UGT1A3: variants seen among roughly 807,000 people sequenced by gnomAD.
UGT1A3 encodes UDP glucuronosyltransferase family 1 member A3.
In UGT1A3, 31 loss-of-function variants were observed where a neutral mutation model predicts 41.0. The observed-to-expected ratio is 0.76, with a 90% CI of 0.57 to 1.02. The LOEUF (loss-of-function observed/expected upper bound fraction) is 1.02. UGT1A3 is among the 50% of genes least tolerant of loss of function. The pLI, the probability that UGT1A3 is intolerant of heterozygous loss-of-function variation, is 0.00. For synonymous variants in UGT1A3, 262 were observed against 257.6 expected (o/e 1.02, Z -0.17); for missense variants, 737 against 671.0 (o/e 1.10, Z -1.09).
intron 1 of UGT1A3, among the ~76,000 whole-genome samples, chr2:233,746,796 G>A (rs1217306288): frequency 1.3e-5 from 2 of 151,816 alleles, no homozygotes; most frequent in Admixed American, 1.3e-4. Flanking sequence ...TAATTCATGA[G>A]CGTGAATGTG....
At chr2:233,730,541 T>A (rs1015263117) in intron 1 of UGT1A3, among the ~76,000 whole-genome samples, 1 of 152,098 alleles carries the variant, frequency 6.6e-6, no homozygotes, top group African/African-American at 2.4e-5. Context: ...TTGGGATGGA[T>A]GTCTGTGATT....
intron 1 of UGT1A3, among the ~76,000 whole-genome samples, chr2:233,750,227 A>C (rs977533582): frequency 6.6e-6 from 1 of 151,900 alleles, no homozygotes; most frequent in Admixed American, 6.5e-5. Flanking sequence ...GAGATGAGGA[A>C]CTTATTGGGA....
chr2:233,740,186 C>T (rs1343042773), intron 1 of UGT1A3, among the ~76,000 whole-genome samples: 1 of 151,760 alleles, frequency 6.6e-6, no homozygotes, highest in Non-Finnish European at 1.5e-5. Flanking sequence ...TCAATTAAAC[C>T]TCTTTCTTTT....
At chr2:233,743,983 G>A (rs1033622103) in intron 1 of UGT1A3, 34 of 1,288,222 alleles carry the variant, frequency 2.6e-5, no homozygotes, top group Middle Eastern at 4.7e-4. Flanking sequence ...GCACCCAGGC[G>A]CAGGCCCGAG....
At position 233,761,104 on chromosome 2, in the gene UGT1A3, G is replaced by T. The variant is rs143072292; in HGVS notation, c.868-5930G>T. On this transcript the variant is annotated intron_variant, in intron 1 of 4. Transcript: ENST00000482026. Reference sequence around the variant, plus strand: ...CCCTAGGCCCATCATGCCCAATATGGTTTTTGTTGGTGGAATCAACTGCCT... The same window carrying T: ...CCCTAGGCCCATCATGCCCAATATGTTTTTTGTTGGTGGAATCAACTGCCT... 1.9e-6 allele frequency: 3 copies of T among 1,614,078 alleles called. No homozygotes were observed. In the African/African-American group the frequency reaches 4.0e-5, roughly 22 times the overall value.
chr2:233,755,002 C>G, intron 1 of UGT1A3: 1 of 1,294,350 alleles, frequency 7.7e-7, no homozygotes, highest in Non-Finnish European at 1.0e-6. Context: ...AAGCTGAAGA[C>G]CTACTCGAAG....
intron 1 of UGT1A3, chr2:233,747,490 T>G: frequency 6.2e-7 from 1 of 1,609,038 alleles, no homozygotes; most frequent in Non-Finnish European, 8.5e-7. Flanking sequence ...GATCGCCTTG[T>G]GCTGGGCCAC....
At chr2:233,748,126 T>C (rs1272435639) in intron 1 of UGT1A3, 15 of 1,610,568 alleles carry the variant, frequency 9.3e-6, no homozygotes, top group Non-Finnish European at 1.3e-5. Flanking sequence ...GCAAAACAGT[T>C]TTTAAAAATT....
At chr2:233,761,312 C>T (rs1697739836) in intron 1 of UGT1A3, among the ~76,000 whole-genome samples, 2 of 152,232 alleles carry the variant, frequency 1.3e-5, no homozygotes, top group Non-Finnish European at 2.9e-5. Flanking sequence ...CTGTCTTTGG[C>T]ATCATCTTCT....
intron 1 of UGT1A3, among the ~76,000 whole-genome samples, chr2:233,759,178 G>A (rs1697077752): frequency 6.6e-6 from 1 of 152,148 alleles, no homozygotes; most frequent in South Asian, 2.1e-4. Context: ...AGGTTTCACG[G>A]CAAAAAGTTC....
intron 1 of UGT1A3, among the ~76,000 whole-genome samples, chr2:233,748,384 T>C (rs546137113): frequency 6.6e-6 from 1 of 151,886 alleles, no homozygotes; most frequent in South Asian, 2.1e-4. Context: ...ATGTCCTTCA[T>C]TGGGAAGGAG....
intron 4 of UGT1A3, chr2:233,770,632 T>G (rs561537548): frequency 1.3e-5 from 2 of 150,950 alleles, no homozygotes; most frequent in Admixed American, 6.6e-5. Flanking sequence ...CACTCCAGCC[T>G]GGGCGACAGA....
intron 1 of UGT1A3, among the ~76,000 whole-genome samples, chr2:233,758,245 A>C (rs1047370626): frequency 6.6e-6 from 1 of 152,214 alleles, no homozygotes; most frequent in African/African-American, 2.4e-5. Flanking sequence ...ATTGCCCACT[A>C]TTCAGATTAG....
chr2:233,755,098 C>G (rs1292458921), intron 1 of UGT1A3: 1 of 1,334,792 alleles, frequency 7.5e-7, no homozygotes, highest in Non-Finnish European at 1.0e-6. Flanking sequence ...TTCTACGCGT[C>G]CGACAACACC....
intron 1 of UGT1A3, chr2:233,755,932 G>T (rs1268785135): frequency 7.6e-6 from 1 of 131,750 alleles, no homozygotes; most frequent in African/African-American, 3.0e-5. Context: ...TCGTTTTACA[G>T]TTTTTGCATC....
chr2:233,749,875 A>C (rs747231604), intron 1 of UGT1A3, among the ~76,000 whole-genome samples: 2 of 151,930 alleles, frequency 1.3e-5, no homozygotes, highest in Non-Finnish European at 2.9e-5. Context: ...CAGGATTATA[A>C]GTTTCCTGAG....
At chr2:233,760,485 G>T in intron 1 of UGT1A3, 2 of 1,614,228 alleles carry the variant, frequency 1.2e-6, no homozygotes, top group Non-Finnish European at 1.7e-6. Context: ...ACGCCTCGTT[G>T]TACATCAGAG....
intron 1 of UGT1A3, chr2:233,761,219 T>C: frequency 6.2e-7 from 1 of 1,613,544 alleles, no homozygotes; most frequent in South Asian, 1.1e-5. Flanking sequence ...ATCGATTAAC[T>C]AGCCCCAGAT....
At chr2:233,762,750 TA>T (rs777496065) in intron 1 of UGT1A3, among the ~76,000 whole-genome samples, 22 of 152,278 alleles carry the variant, frequency 1.4e-4, no homozygotes, top group East Asian at 1.9e-4. Flanking sequence ...GTGAATGTGT[TA>T]TTTTTTTGCA....
Sources: gnomAD v4.1 joint callset for allele counts (sites outside exome capture counted in the v4.1 genomes callset) on GRCh38, gnomAD v4.1.1 for gene constraint, MANE v1.5 for transcripts, NCBI Gene and HGNC (gene_info 2026-07-23, HGNC 2026-07-21) for gene names.